MRTFA: variants seen among roughly 807,000 people sequenced by gnomAD.
MRTFA encodes the protein myocardin-related transcription factor A.
MRTFA carries 20 observed loss-of-function variants against 83.5 expected under a neutral mutation model. The ratio of observed to expected loss-of-function variants is 0.24; its 90% CI spans 0.17 to 0.35. The LOEUF is 0.35. Ranked by LOEUF, MRTFA falls within the 10% of genes least tolerant of loss-of-function variation. The pLI is 1.00. For missense variants in MRTFA, 1,200 were observed against 1,224.7 expected (o/e 0.98, Z 0.30); for synonymous variants, 659 against 541.2 (o/e 1.22, Z -3.02).
intron 9 of MRTFA, among the ~76,000 whole-genome samples, chr22:40,421,361 C>G (rs760695871): frequency 6.6e-6 from 1 of 152,178 alleles, no homozygotes; most frequent in Admixed American, 6.5e-5. Flanking sequence ...GCAAAGACAT[C>G]ACCATGACCC....
intron 3 of MRTFA, among the ~76,000 whole-genome samples, chr22:40,502,887 T>C (rs1490991154): frequency 6.6e-6 from 1 of 152,184 alleles, no homozygotes; most frequent in East Asian, 1.9e-4. Flanking sequence ...TAGTCCTCTG[T>C]AGATTAACTG....
chr22:40,465,184 T>C (rs186680742), intron 3 of MRTFA, among the ~76,000 whole-genome samples: 1 of 152,330 alleles, frequency 6.6e-6, no homozygotes, highest in East Asian at 1.9e-4. Flanking sequence ...AGTATAATAT[T>C]TTGCCTTGTG....
rs558812858 is a variant in MRTFA, at chr22:40,429,706, G to A, written c.501C>T (p.Ala167=). Residue 167 remains alanine, a synonymous_variant, in exon 7 of 15, where the codon GCC becomes GCT. Coordinates refer to ENST00000355630, the MANE Select transcript of MRTFA (RefSeq NM_020831.6). ...GTGCAATCTTCTCATTGAGGTCATC[G>A]GCTAGTCTGGCTCTCTTCAGCTTCA... is the stretch of plus-strand genomic sequence containing the variant. 21 of 1,614,024 alleles carry A rather than the reference G, an allele frequency of 1.3e-5. No homozygotes were observed. The East Asian group carries it at 3.1e-4, about 24-fold the overall frequency.
chr22:40,469,859 C>T (rs1277481733), intron 3 of MRTFA, among the ~76,000 whole-genome samples: 1 of 152,104 alleles, frequency 6.6e-6, no homozygotes, highest in African/African-American at 2.4e-5. Flanking sequence ...AGAAAAATCG[C>T]TTGAGGCCAG....
At chr22:40,496,107 A>G (rs1247740407) in intron 3 of MRTFA, among the ~76,000 whole-genome samples, 1 of 151,866 alleles carries the variant, frequency 6.6e-6, no homozygotes, top group African/African-American at 2.4e-5. Context: ...AATAATAATA[A>G]GGCTCTACAG....
At position 40,508,252 on chromosome 22, in the gene MRTFA, G is replaced by A. The variant is rs1286678719; in HGVS notation, c.241+43854C>T. 3.3e-5 allele frequency among the ~76,000 whole-genome samples: 5 copies of A among 152,048 alleles called. No homozygotes were observed. The South Asian group carries it at 1.0e-3, about 31-fold the overall frequency. ...GTGCTGGGCACAGTGGCTCATGCCT[G>A]TAATTCCAGCACTTTGGGAGGCCGA... On this transcript the variant is annotated intron_variant, in intron 3 of 14. Transcript: ENST00000355630.
chr22:40,488,794 C>T (rs1305189187), intron 3 of MRTFA, among the ~76,000 whole-genome samples: 1 of 151,812 alleles, frequency 6.6e-6, no homozygotes, highest in Non-Finnish European at 1.5e-5. Context: ...GATGGCGCCA[C>T]TGCACTCCAG....
intron 2 of MRTFA, among the ~76,000 whole-genome samples, chr22:40,562,391 A>C (rs536633171): frequency 2.7e-4 from 41 of 151,482 alleles, no homozygotes; most frequent in African/African-American, 9.7e-4. Context: ...GACACTTAAC[A>C]CTGTATGGAT....
chr22:40,431,552 G>T, intron 5 of MRTFA, 72 bp from the exon 6 acceptor site: 1 of 1,425,144 alleles, frequency 7.0e-7, no homozygotes, highest in Non-Finnish European at 9.9e-7. Context: ...GATCACAACA[G>T]CAGCCTTGGC....
chr22:40,499,989 TCGGCTCAC>T (rs113617367), intron 3 of MRTFA, among the ~76,000 whole-genome samples: 17,851 of 142,816 alleles, frequency 0.12, 1,235 homozygotes, highest in East Asian at 0.26. Context: ...TGGTACGATC[TCGGCTCAC>T]CGGCTCACCG....
chr22:40,510,301 C>T (rs1467198433), intron 3 of MRTFA, among the ~76,000 whole-genome samples: 1 of 149,674 alleles, frequency 6.7e-6, no homozygotes, highest in Non-Finnish European at 1.5e-5. Context: ...GGTGAGAGGC[C>T]GGGAAAACTA....
chr22:40,588,340 G>GT (rs2056064389), intron 2 of MRTFA, among the ~76,000 whole-genome samples: 1 of 151,820 alleles, frequency 6.6e-6, no homozygotes, highest in African/African-American at 2.4e-5. Context: ...ACTTTTTTTT[G>GT]TAACTAAGAT....
chr22:40,487,713 GA>G (rs1226153220), intron 3 of MRTFA, among the ~76,000 whole-genome samples: 1 of 152,190 alleles, frequency 6.6e-6, no homozygotes, highest in Admixed American at 6.5e-5. Context: ...TAATATCACT[GA>G]CAATGAACAG....
At chr22:40,500,809 G>A (rs1324998822) in intron 3 of MRTFA, among the ~76,000 whole-genome samples, 2 of 151,226 alleles carry the variant, frequency 1.3e-5, no homozygotes, top group East Asian at 2.0e-4. Flanking sequence ...ACACAGACAC[G>A]GCAACCATCC....
At chr22:40,531,849 T>C (rs1262221763) in intron 3 of MRTFA, among the ~76,000 whole-genome samples, 2 of 152,198 alleles carry the variant, frequency 1.3e-5, no homozygotes, top group African/African-American at 2.4e-5. Context: ...CAGTAGCAAT[T>C]TTACAAAACC....
intron 1 of MRTFA, among the ~76,000 whole-genome samples, chr22:40,620,918 A>AC (rs2147433828): frequency 6.6e-6 from 1 of 152,314 alleles, no homozygotes; most frequent in Admixed American, 6.5e-5. Context: ...GTGGTAGCTC[A>AC]CGTCTGTAAT....
intron 1 of MRTFA, among the ~76,000 whole-genome samples, chr22:40,595,116 CTTTTTT>C (rs778797295): frequency 2.6e-4 from 31 of 119,272 alleles, no homozygotes; most frequent in Admixed American, 1.1e-3. Flanking sequence ...TGATAAATGC[CTTTTTT>C]TTTTTTTTTT....
intron 4 of MRTFA, among the ~76,000 whole-genome samples, chr22:40,438,610 C>T (rs1020027844): frequency 2.6e-5 from 4 of 152,182 alleles, no homozygotes; most frequent in African/African-American, 9.7e-5. Flanking sequence ...TTTCGCTTTC[C>T]ATGGTTTCAG....
intron 3 of MRTFA, among the ~76,000 whole-genome samples, chr22:40,505,674 AG>A (rs1362253382): frequency 3.3e-5 from 5 of 152,206 alleles, no homozygotes. Flanking sequence ...CTTATTAAAG[AG>A]GCTTCACACA....
Sources: gnomAD v4.1 joint callset for allele counts (sites outside exome capture counted in the v4.1 genomes callset) on GRCh38, gnomAD v4.1.1 for gene constraint, MANE v1.5 for transcripts, NCBI Gene and HGNC (gene_info 2026-07-23, HGNC 2026-07-21) for gene names.